CNIH3: variants seen among roughly 807,000 people sequenced by gnomAD.
CNIH3 encodes the protein protein cornichon homolog 3.
A neutral mutation model predicts 24.1 loss-of-function variants in CNIH3; 14 were observed. The ratio of observed to expected loss-of-function variants is 0.58; its 90% CI spans 0.38 to 0.91. The LOEUF is 0.91. Ranked by LOEUF, CNIH3 falls within the 40% of genes least tolerant of loss-of-function variation. The pLI, the probability that CNIH3 is intolerant of heterozygous loss-of-function variation, is 0.00. For missense variants in CNIH3, 178 were observed against 196.8 expected (o/e 0.90, Z 0.57); for synonymous variants, 68 against 73.8 (o/e 0.92, Z 0.40).
intron 1 of CNIH3, among the ~76,000 whole-genome samples, chr1:224,675,198 A>G (rs1686080805): frequency 6.6e-6 from 1 of 152,250 alleles, no homozygotes; most frequent in African/African-American, 2.4e-5. Flanking sequence ...GGCTCCGAAT[A>G]TAAATCTGCA....
intron 1 of CNIH3, among the ~76,000 whole-genome samples, chr1:224,663,830 G>A (rs1685474430): frequency 6.6e-6 from 1 of 152,182 alleles, no homozygotes; most frequent in Non-Finnish European, 1.5e-5. Context: ...GAGAGAGACC[G>A]AAATTTACCT....
intron 1 of CNIH3, among the ~76,000 whole-genome samples, chr1:224,503,061 G>C (rs891872478): frequency 1.3e-5 from 2 of 151,900 alleles, no homozygotes; most frequent in African/African-American, 2.4e-5. Context: ...GGAGGGAGGT[G>C]GGGGCAGGGG....
intron 4 of CNIH3, chr1:224,574,434 A>G (rs1680948193): frequency 1.6e-6 from 1 of 608,514 alleles, no homozygotes; most frequent in Admixed American, 2.7e-5. Context: ...TGCAGCAGCC[A>G]TGGCCAGCCA....
At chr1:224,547,652 G>A (rs1357060748) in intron 3 of CNIH3, among the ~76,000 whole-genome samples, 3 of 151,464 alleles carry the variant, frequency 2.0e-5, no homozygotes, top group Non-Finnish European at 2.9e-5. Context: ...ATATCTAAGC[G>A]AGGTATTACT....
At chr1:224,509,086 G>GC (rs1358161852) in intron 1 of CNIH3, among the ~76,000 whole-genome samples, 1 of 152,224 alleles carries the variant, frequency 6.6e-6, no homozygotes, top group Non-Finnish European at 1.5e-5. Flanking sequence ...ACTTTGGGAG[G>GC]CCAAGGTGGG....
At chr1:224,676,215 G>A (rs1686132680) in intron 1 of CNIH3, among the ~76,000 whole-genome samples, 1 of 152,220 alleles carries the variant, frequency 6.6e-6, no homozygotes, top group African/African-American at 2.4e-5. Context: ...AACACATCGT[G>A]TATTTACATA....
chr1:224,575,899 C>G (rs1478072257), intron 4 of CNIH3, among the ~76,000 whole-genome samples: 1 of 152,092 alleles, frequency 6.6e-6, no homozygotes, highest in Admixed American at 6.5e-5. Flanking sequence ...CTGCTTTTCT[C>G]AGGTCATGTT....
intron 3 of CNIH3, among the ~76,000 whole-genome samples, chr1:224,710,525 A>T (rs949642325): frequency 6.6e-6 from 1 of 152,244 alleles, no homozygotes; most frequent in East Asian, 1.9e-4. Context: ...TTGGAGAATA[A>T]GTGACCACTA....
chr1:224,465,193 T>G (rs1011074581), intron 1 of CNIH3, among the ~76,000 whole-genome samples: 1 of 151,102 alleles, frequency 6.6e-6, no homozygotes, highest in African/African-American at 2.4e-5. Context: ...CACCGCAACC[T>G]CCACCTCCTG....
At chr1:224,724,034 A>G (rs1197860960) in intron 3 of CNIH3, among the ~76,000 whole-genome samples, 1 of 152,216 alleles carries the variant, frequency 6.6e-6, no homozygotes, top group African/African-American at 2.4e-5. Context: ...TGGGAAACAT[A>G]GACCCCATCT....
intron 2 of CNIH3, among the ~76,000 whole-genome samples, chr1:224,527,424 C>T (rs1191903714): frequency 6.6e-6 from 1 of 152,154 alleles, no homozygotes; most frequent in African/African-American, 2.4e-5. Context: ...ACAAAAGCAC[C>T]AGTGAAACGG....
intron 3 of CNIH3, among the ~76,000 whole-genome samples, chr1:224,548,591 G>T (rs191051174): frequency 6.6e-6 from 1 of 151,944 alleles, no homozygotes; most frequent in Admixed American, 6.5e-5. Flanking sequence ...AAAAGATGTT[G>T]TTCCTAATAT....
At chr1:224,513,731 T>C (rs1167621426), upstream of CNIH3, 1 of 152,264 alleles carries the variant, frequency 6.6e-6, no homozygotes, top group Non-Finnish European at 1.5e-5. Context: ...AGCTACTTCA[T>C]GGGATCTGTC....
intron 1 of CNIH3, among the ~76,000 whole-genome samples, chr1:224,629,120 C>T (rs1683692128): frequency 6.6e-6 from 1 of 151,938 alleles, no homozygotes; most frequent in African/African-American, 2.4e-5. Context: ...AATTCTCCTG[C>T]CTCAGCCTCC....
intron 1 of CNIH3, among the ~76,000 whole-genome samples, chr1:224,483,223 G>A (rs1676882913): frequency 1.3e-5 from 2 of 152,290 alleles, no homozygotes; most frequent in Non-Finnish European, 2.9e-5. Context: ...AATGGTGGGT[G>A]CCTGTAATCC....
intron 5 of CNIH3, 148 bp from the exon 6 acceptor site, chr1:224,739,181 C>T (rs949297453): frequency 2.2e-5 from 31 of 1,402,886 alleles, no homozygotes; most frequent in African/African-American, 1.6e-4. Context: ...GTGGAGTTGG[C>T]GAGATGCTGT....
chr1:224,596,049 T>A (rs1208361362), intron 3 of CNIH3, among the ~76,000 whole-genome samples: 2 of 152,174 alleles, frequency 1.3e-5, no homozygotes, highest in Non-Finnish European at 2.9e-5. Context: ...CTAGCTAAGA[T>A]CATTGATGAA....
chr1:224,548,841 C>G (rs182073572), intron 3 of CNIH3, among the ~76,000 whole-genome samples: 78 of 151,848 alleles, frequency 5.1e-4, no homozygotes, highest in African/African-American at 1.8e-3. Context: ...GGGGTGTACA[C>G]CCTGTGTGTA....
downstream of CNIH3, among the ~76,000 whole-genome samples, chr1:224,593,541 C>A (rs969590110): frequency 6.6e-6 from 1 of 152,130 alleles, no homozygotes; most frequent in Non-Finnish European, 1.5e-5. Flanking sequence ...CTAAAAATAC[C>A]TCTGTTGACA....
Sources: allele counts gnomAD v4.1 joint callset (sites outside exome capture counted in the v4.1 genomes callset), GRCh38; gene constraint gnomAD v4.1.1; transcripts MANE v1.5; gene names NCBI Gene and HGNC (gene_info 2026-07-23, HGNC 2026-07-21).